Variants in STK32B observed in about 807,000 individuals in gnomAD.
STK32B encodes the protein serine/threonine kinase 32B, also known as serine/threonine-protein kinase 32B.
In STK32B, 43 loss-of-function variants were observed where a neutral mutation model predicts 52.6. The ratio of observed to expected loss-of-function variants is 0.82; its 90% CI spans 0.64 to 1.05. STK32B has a LOEUF of 1.05. Ranked by LOEUF, STK32B falls within the 50% of genes least tolerant of loss-of-function variation. STK32B has a pLI of 0.00. For synonymous variants in STK32B, 238 were observed against 204.3 expected (o/e 1.17, Z -1.41); for missense variants, 621 against 534.6 (o/e 1.16, Z -1.59).
intron 3 of STK32B, among the ~76,000 whole-genome samples, chr4:5,300,317 C>T (rs1167803633): frequency 1.3e-5 from 2 of 152,162 alleles, no homozygotes. Flanking sequence ...AAATCTACAG[C>T]CAACATCATA....
At chr4:5,358,526 A>G (rs914315067) in intron 4 of STK32B, among the ~76,000 whole-genome samples, 2 of 152,166 alleles carry the variant, frequency 1.3e-5, no homozygotes, top group Non-Finnish European at 2.9e-5. Context: ...ATACACAATA[A>G]TGGGAACGTT....
At position 5,499,258 on chromosome 4, in the gene STK32B, C is replaced by T. The variant is rs1720551778; in HGVS notation, c.*175C>T. On this transcript the variant is annotated 3_prime_UTR_variant, in exon 12 of 12. Coordinates refer to ENST00000282908, the MANE Select transcript of STK32B (RefSeq NM_018401.3). ...TGGTCCCATCTCCATGACTGATTCA[C>T]GTGTGACCTCAGACAAGTCACGCCC... The T allele has an allele frequency of 5.9e-6, 5 of 841,884 alleles. No homozygotes were observed. Among genetic ancestry groups the T allele is most frequent in the African/African-American group, 1.8e-5 (1 of 56,968 alleles). The allele number at this position is 841,884 out of a possible 1,614,324, so 52.2% of individuals were successfully genotyped here. A position where few individuals can be genotyped will look rare whatever the true frequency, so the allele number is the denominator to read the frequency against.
intron 1 of STK32B, among the ~76,000 whole-genome samples, chr4:5,126,352 C>T (rs1486047091): frequency 6.6e-6 from 1 of 152,214 alleles, no homozygotes; most frequent in African/African-American, 2.4e-5. Context: ...TACTACTTAG[C>T]AGCCACTCCG....
At chr4:5,317,656 G>A (rs1489680362) in intron 3 of STK32B, among the ~76,000 whole-genome samples, 1 of 148,374 alleles carries the variant, frequency 6.7e-6, no homozygotes, top group Non-Finnish European at 1.5e-5. Flanking sequence ...GTGGATGCTG[G>A]AGGATTCCAG....
At chr4:5,074,297 T>C (rs1481833494) in intron 1 of STK32B, among the ~76,000 whole-genome samples, 2 of 152,030 alleles carry the variant, frequency 1.3e-5, no homozygotes, top group African/African-American at 4.8e-5. Context: ...CCTTCTGTAT[T>C]GTCCACCCTT....
chr4:5,407,516 T>C (rs1057377690), intron 5 of STK32B, among the ~76,000 whole-genome samples: 2 of 152,146 alleles, frequency 1.3e-5, no homozygotes, highest in African/African-American at 4.8e-5. Context: ...AGGTAATTTA[T>C]GAAGAAGAGG....
intron 2 of STK32B, among the ~76,000 whole-genome samples, chr4:5,148,189 AT>A (rs1717065319): frequency 6.6e-6 from 1 of 151,944 alleles, no homozygotes; most frequent in Non-Finnish European, 1.5e-5. Flanking sequence ...GCACAAAGTA[AT>A]TCATGATATT....
chr4:5,432,747 T>C (rs1713701161), intron 6 of STK32B, among the ~76,000 whole-genome samples: 1 of 152,024 alleles, frequency 6.6e-6, no homozygotes, highest in Admixed American at 6.6e-5. Context: ...TCATAGTAAA[T>C]AGCAAACTTG....
chr4:5,392,806 C>T (rs894052768), intron 4 of STK32B, among the ~76,000 whole-genome samples: 1 of 152,210 alleles, frequency 6.6e-6, no homozygotes, highest in African/African-American at 2.4e-5. Flanking sequence ...GCTAAATCCA[C>T]ATAACACACT....
At chr4:5,337,147 T>G (rs940153250) in intron 4 of STK32B, among the ~76,000 whole-genome samples, 6 of 17,348 alleles carry the variant, frequency 3.5e-4, no homozygotes, top group African/African-American at 4.7e-4. Flanking sequence ...CCTGGCCAAT[T>G]TTTTTTTTTT....
chr4:5,066,592 G>A (rs1408071783), intron 1 of STK32B, among the ~76,000 whole-genome samples: 1 of 152,168 alleles, frequency 6.6e-6, no homozygotes. Flanking sequence ...TGCAAGCTGT[G>A]TTCCCCTTCA....
chr4:5,231,465 A>C (rs1724262202), intron 3 of STK32B, among the ~76,000 whole-genome samples: 1 of 152,138 alleles, frequency 6.6e-6, no homozygotes, highest in Admixed American at 6.5e-5. Flanking sequence ...ACAAAAAAGT[A>C]GCCAGGCATG....
chr4:5,490,678 C>T (rs1431613579), intron 11 of STK32B, among the ~76,000 whole-genome samples: 2 of 151,968 alleles, frequency 1.3e-5, no homozygotes, highest in Non-Finnish European at 2.9e-5. Flanking sequence ...CACCCATTAA[C>T]TCGTCATTTA....
rs1321301072 is a variant in STK32B at position 5,394,337 on chromosome 4, A to T, written c.435-3870A>T. ...CCTTCCCATCCATGCAATGCTCCTG[A>T]TGCCCTTTCTGAACGTTCAAACCCG... On this transcript the variant is annotated intron_variant, in intron 4 of 11. Coordinates refer to ENST00000282908, the MANE Select transcript of STK32B (RefSeq NM_018401.3). The surrounding 1 kb of genome is among the most constrained non-coding windows in gnomAD (Gnocchi z 4.2). Among the ~76,000 whole-genome samples the T allele has an allele frequency of 6.6e-6, 1 of 152,160 alleles. No homozygotes were observed. Among genetic ancestry groups the T allele is most frequent in the Non-Finnish European group, 1.5e-5 (1 of 68,036 alleles).
At chr4:5,343,284 A>T (rs1483495368) in intron 4 of STK32B, among the ~76,000 whole-genome samples, 1 of 151,814 alleles carries the variant, frequency 6.6e-6, no homozygotes, top group Non-Finnish European at 1.5e-5. Flanking sequence ...TGACCTCATC[A>T]TTTTTTATGG....
intron 7 of STK32B, among the ~76,000 whole-genome samples, chr4:5,450,295 A>T (rs563570349): frequency 2.6e-5 from 4 of 152,306 alleles, no homozygotes; most frequent in South Asian, 4.1e-4. Flanking sequence ...CTCTCCAGAG[A>T]ACACTATGGA....
chr4:5,247,329 G>C (rs1725530195), intron 3 of STK32B, among the ~76,000 whole-genome samples: 1 of 152,202 alleles, frequency 6.6e-6, no homozygotes. Context: ...AGACTGCTGT[G>C]CTAGCAATGA....
intron 5 of STK32B, among the ~76,000 whole-genome samples, chr4:5,411,420 T>C (rs1324959997): frequency 6.6e-6 from 1 of 152,172 alleles, no homozygotes; most frequent in East Asian, 1.9e-4. Context: ...CAAAAATGAT[T>C]TCGTAGCAGA....
chr4:5,186,217 C>G (rs913289842), intron 3 of STK32B, among the ~76,000 whole-genome samples: 8 of 152,140 alleles, frequency 5.3e-5, no homozygotes, highest in Non-Finnish European at 5.9e-5. Context: ...GACACCAGCC[C>G]CAGACAGTGG....
Sources: gnomAD v4.1 joint callset for allele counts (sites outside exome capture counted in the v4.1 genomes callset) on GRCh38, gnomAD v4.1.1 for gene constraint, Gnocchi (gnomAD v3.1) non-coding constraint, MANE v1.5 for transcripts, NCBI Gene and HGNC (gene_info 2026-07-23, HGNC 2026-07-21) for gene names.